Variants in CYREN observed in about 807,000 individuals in gnomAD.
The protein encoded by CYREN is cell cycle regulator of NHEJ.
A neutral mutation model predicts 9.7 loss-of-function variants in CYREN; 7 were observed. That is an observed-to-expected ratio of 0.72 (90% CI 0.41 to 1.36). CYREN has a LOEUF of 1.36. CYREN is among the 40% of genes most tolerant of loss of function. CYREN has a pLI of 0.01. For missense variants in CYREN, 215 were observed against 198.1 expected (o/e 1.09, Z -0.51); for synonymous variants, 76 against 77.9 (o/e 0.98, Z 0.13).
intron 2 of CYREN, among the ~76,000 whole-genome samples, chr7:135,132,750 A>C (rs779019202): frequency 6.6e-6 from 1 of 152,180 alleles, no homozygotes; most frequent in African/African-American, 2.4e-5. Context: ...CATGTAAGAC[A>C]TGACTTTGCT....
At chr7:135,145,686 G>T (rs1245597701) in intron 2 of CYREN, among the ~76,000 whole-genome samples, 1 of 152,156 alleles carries the variant, frequency 6.6e-6, no homozygotes, top group Non-Finnish European at 1.5e-5. Flanking sequence ...CAAAAGTTAT[G>T]CAGGATAGGA....
chr7:135,142,996 T>C (rs760300033), intron 2 of CYREN, among the ~76,000 whole-genome samples: 24 of 152,230 alleles, frequency 1.6e-4, no homozygotes, highest in Non-Finnish European at 2.5e-4. Context: ...AGACCCAGAA[T>C]AGCCAACACA....
At chr7:135,138,972 A>T (rs2117390949) in intron 2 of CYREN, among the ~76,000 whole-genome samples, 1 of 152,072 alleles carries the variant, frequency 6.6e-6, no homozygotes, top group East Asian at 1.9e-4. Flanking sequence ...TGTGTACCAC[A>T]TTTTCTTTAT....
chr7:135,156,935 G>A (rs993047660), intron 2 of CYREN, among the ~76,000 whole-genome samples: 1 of 152,190 alleles, frequency 6.6e-6, no homozygotes. Context: ...GAACCGATGG[G>A]TTCATCAGGG....
At chr7:135,167,631 G>A in intron 3 of CYREN, 101 bp downstream of exon 3, 1 of 1,543,494 alleles carries the variant, frequency 6.5e-7, no homozygotes, top group South Asian at 1.2e-5. Context: ...AGAAGAGGTA[G>A]CCTACGGCAG....
At chr7:135,103,279 A>C (rs989213161) in intron 2 of CYREN, among the ~76,000 whole-genome samples, 2 of 152,156 alleles carry the variant, frequency 1.3e-5, no homozygotes, top group African/African-American at 4.8e-5. Flanking sequence ...AAAGAAATCA[A>C]ATTATTGAAG....
At chr7:135,121,643 G>A (rs1827146223) in intron 2 of CYREN, among the ~76,000 whole-genome samples, 1 of 151,958 alleles carries the variant, frequency 6.6e-6, no homozygotes, top group Non-Finnish European at 1.5e-5. Flanking sequence ...ATGGGGCCAA[G>A]ATGGCTGACT....
downstream of CYREN, among the ~76,000 whole-genome samples, chr7:135,162,563 C>T (rs1829971273): frequency 6.6e-6 from 1 of 152,252 alleles, no homozygotes; most frequent in East Asian, 1.9e-4. Flanking sequence ...GCACATCTTA[C>T]ATGGCAGCAG....
intron 2 of CYREN, among the ~76,000 whole-genome samples, chr7:135,154,075 C>T (rs1307567776): frequency 6.6e-6 from 1 of 152,042 alleles, no homozygotes; most frequent in African/African-American, 2.4e-5. Flanking sequence ...TTTTGTGTTT[C>T]CAGGGATGTA....
chr7:135,109,672 G>A (rs1563275394), intron 2 of CYREN, among the ~76,000 whole-genome samples: 1 of 152,026 alleles, frequency 6.6e-6, no homozygotes, highest in Non-Finnish European at 1.5e-5. Flanking sequence ...CACTAGCAGG[G>A]GTATCTGTAG....
chr7:135,102,031 C>A (rs1252114181), intron 2 of CYREN, among the ~76,000 whole-genome samples: 3 of 152,198 alleles, frequency 2.0e-5, no homozygotes, highest in African/African-American at 7.2e-5. Flanking sequence ...CCACCATGAT[C>A]GTGAGGCCTC....
upstream of CYREN, among the ~76,000 whole-genome samples, chr7:135,171,822 C>G (rs292511): frequency 0.95 from 145,414 of 152,318 alleles, 69,741 homozygotes; most frequent in East Asian, 1. Flanking sequence ...GCCAGCCTGA[C>G]TGACGCAATC....
intron 2 of CYREN, among the ~76,000 whole-genome samples, chr7:135,112,589 T>A (rs910568961): frequency 3.3e-5 from 5 of 152,202 alleles, no homozygotes; most frequent in African/African-American, 1.2e-4. Context: ...CATCTATAAG[T>A]ATGGCTATAA....
chr7:135,169,786 GA>G (rs1177831255), intron 1 of CYREN, among the ~76,000 whole-genome samples: 2 of 152,180 alleles, frequency 1.3e-5, no homozygotes, highest in Admixed American at 6.5e-5. Flanking sequence ...AATCAAGCCA[GA>G]AGCTCCTGAA....
intron 2 of CYREN, chr7:135,148,037 T>C: frequency 4.4e-6 from 2 of 456,096 alleles, no homozygotes; most frequent in Non-Finnish European, 8.8e-6. Flanking sequence ...AATCAGCTGA[T>C]AGTGACATCA....
rs527305373 is a variant in CYREN at position 135,122,978 on chromosome 7, T to G, written n.357-28396A>C. ...ACACTGAAAACCCAAAAGGCCAGAG[T>G]GCCTCCTCTCCTCCAAATGATCGCA... On this transcript the variant is annotated intron_variant and non_coding_transcript_variant, in intron 2 of 2. Transcript: ENST00000459937. 7.9e-5 allele frequency among the ~76,000 whole-genome samples: 12 copies of G among 151,690 alleles called. No homozygotes were observed. In the East Asian group the frequency reaches 2.1e-3, roughly 27 times the overall value.
chr7:135,160,328 C>T (rs1829897185), intron 2 of CYREN, among the ~76,000 whole-genome samples: 1 of 152,170 alleles, frequency 6.6e-6, no homozygotes, highest in Admixed American at 6.5e-5. Flanking sequence ...CCCCTTTGCC[C>T]TCTGAAGGAA....
At chr7:135,106,283 G>A (rs1040096906) in intron 2 of CYREN, among the ~76,000 whole-genome samples, 11 of 152,160 alleles carry the variant, frequency 7.2e-5, no homozygotes, top group Non-Finnish European at 1.0e-4. Flanking sequence ...AAAGGTGAGA[G>A]AGGGCATCCT....
At chr7:135,098,605 T>C (rs1823282074) in intron 2 of CYREN, among the ~76,000 whole-genome samples, 2 of 152,180 alleles carry the variant, frequency 1.3e-5, no homozygotes, top group Non-Finnish European at 2.9e-5. Flanking sequence ...ATTGGAATGA[T>C]ACCAGGAGCA....
Sources: allele counts gnomAD v4.1 joint callset (sites outside exome capture counted in the v4.1 genomes callset), GRCh38; gene constraint gnomAD v4.1.1; transcripts MANE v1.5; gene names NCBI Gene and HGNC (gene_info 2026-07-23, HGNC 2026-07-21).